OIP5: variants seen among roughly 807,000 people sequenced by gnomAD.
The protein encoded by OIP5 is Opa interacting protein 5, also known as protein Mis18-beta.
In OIP5, 24 loss-of-function variants were observed where a neutral mutation model predicts 20.3. The observed-to-expected ratio is 1.18, with a 90% CI of 0.86 to 1.66. The LOEUF (loss-of-function observed/expected upper bound fraction) is 1.66, where lower values mean the gene tolerates loss of function less well. OIP5 is among the 40% of genes most tolerant of loss of function. OIP5 has a pLI of 0.00. For synonymous variants in OIP5, 143 were observed against 121.3 expected (o/e 1.18, Z -1.17); for missense variants, 339 against 289.5 (o/e 1.17, Z -1.24).
intron 4 of OIP5, among the ~76,000 whole-genome samples, chr15:41,310,240 G>C (rs1388209504): frequency 6.6e-6 from 1 of 152,186 alleles, no homozygotes; most frequent in Non-Finnish European, 1.5e-5. Flanking sequence ...TTTATATCTA[G>C]TAATTGGGAG....
intron 2 of OIP5, among the ~76,000 whole-genome samples, chr15:41,331,475 T>A (rs2047911541): frequency 6.6e-6 from 1 of 152,150 alleles, no homozygotes; most frequent in African/African-American, 2.4e-5. Flanking sequence ...TCCCAGCTAC[T>A]CCGGAGGGTG....
intron 4 of OIP5, among the ~76,000 whole-genome samples, chr15:41,312,971 G>A (rs568683657): frequency 6.6e-6 from 1 of 152,270 alleles, no homozygotes; most frequent in South Asian, 2.1e-4. Context: ...GTCTGAGACA[G>A]TTGAGCAATT....
At chr15:41,312,604 C>T (rs1375078799) in intron 4 of OIP5, among the ~76,000 whole-genome samples, 2 of 150,770 alleles carry the variant, frequency 1.3e-5, no homozygotes, top group Non-Finnish European at 2.9e-5. Flanking sequence ...GGATTACAGG[C>T]GCCCACCACC....
intron 4 of OIP5, among the ~76,000 whole-genome samples, chr15:41,312,373 C>A (rs568567703): frequency 6.6e-6 from 1 of 151,594 alleles, no homozygotes; most frequent in South Asian, 2.1e-4. Flanking sequence ...GTTGGTCAGG[C>A]TGGTCTCGAA....
chr15:41,328,425 C>A (rs1424359941), intron 2 of OIP5, among the ~76,000 whole-genome samples: 2 of 152,052 alleles, frequency 1.3e-5, no homozygotes, highest in African/African-American at 4.8e-5. Context: ...TTTGAATTTG[C>A]CATAACAATT....
intron 2 of OIP5, among the ~76,000 whole-genome samples, chr15:41,325,350 G>C (rs1020390256): frequency 6.6e-6 from 1 of 152,016 alleles, no homozygotes; most frequent in African/African-American, 2.4e-5. Flanking sequence ...AGCTTGCAGT[G>C]AGCCTAGATC....
At chr15:41,321,398 C>T (rs942201600) in intron 2 of OIP5, among the ~76,000 whole-genome samples, 4 of 152,178 alleles carry the variant, frequency 2.6e-5, no homozygotes, top group Admixed American at 6.5e-5. Flanking sequence ...CCCCTCTGCC[C>T]GGCCACCACC....
chr15:41,326,726 C>G (rs2047864110), intron 2 of OIP5, among the ~76,000 whole-genome samples: 1 of 152,112 alleles, frequency 6.6e-6, no homozygotes, highest in African/African-American at 2.4e-5. Flanking sequence ...GTGCCCGGCC[C>G]CATGTTTTTA....
chr15:41,321,943 A>G (rs1184444586), intron 2 of OIP5, among the ~76,000 whole-genome samples: 1 of 151,870 alleles, frequency 6.6e-6, no homozygotes. Context: ...AAATAAATAA[A>G]TAAATAAAAA....
At chr15:41,312,142 C>CCG (rs2047759689) in intron 4 of OIP5, among the ~76,000 whole-genome samples, 3 of 144,818 alleles carry the variant, frequency 2.1e-5, no homozygotes, top group Non-Finnish European at 4.7e-5. Context: ...GCATAAGCCA[C>CCG]CATGCCCAGC....
At chr15:41,328,886 C>T (rs766140170) in intron 2 of OIP5, among the ~76,000 whole-genome samples, 10 of 151,614 alleles carry the variant, frequency 6.6e-5, no homozygotes, top group South Asian at 2.1e-4. Context: ...GGTGAAACCC[C>T]GTCTCTACTA....
chr15:41,325,154 C>T (rs978512499), intron 2 of OIP5, among the ~76,000 whole-genome samples: 3 of 151,958 alleles, frequency 2.0e-5, no homozygotes, highest in African/African-American at 7.3e-5. Flanking sequence ...GCTGTAATCC[C>T]AGCACTCTGG....
chr15:41,331,810 G>A, intron 2 of OIP5, 105 bp downstream of exon 2: 1 of 913,590 alleles, frequency 1.1e-6, no homozygotes, highest in Non-Finnish European at 1.8e-6. Context: ...AGTCAAACAG[G>A]TAAAAGCAGC....
chr15:41,327,787 C>CA (rs1317558404), intron 2 of OIP5, among the ~76,000 whole-genome samples: 1 of 147,436 alleles, frequency 6.8e-6, no homozygotes, highest in Non-Finnish European at 1.5e-5. Context: ...GACTCCATCT[C>CA]AAAAAAATAA....
At chr15:41,309,895 T>G (rs1430477487) in intron 4 of OIP5, 46 bp from the exon 5 acceptor site, 1 of 1,379,972 alleles carries the variant, frequency 7.2e-7, no homozygotes, top group Non-Finnish European at 1.0e-6. Context: ...TTTTTATTTT[T>G]ACTTATTTTA....
intron 3 of OIP5, among the ~76,000 whole-genome samples, chr15:41,318,249 G>A (rs765199535): frequency 5.9e-5 from 9 of 152,062 alleles, no homozygotes; most frequent in Admixed American, 1.3e-4. Context: ...TGCAACCTCC[G>A]CCTCCTGGGT....
intron 4 of OIP5, among the ~76,000 whole-genome samples, chr15:41,310,904 T>C (rs1225375679): frequency 1.3e-5 from 2 of 152,366 alleles, no homozygotes; most frequent in South Asian, 2.1e-4. Context: ...TGCAATTAGG[T>C]AATTTTTAAG....
intron 4 of OIP5, among the ~76,000 whole-genome samples, chr15:41,310,628 CAA>C (rs1240547687): frequency 5.8e-4 from 35 of 60,356 alleles, no homozygotes; most frequent in African/African-American, 6.4e-4. Context: ...GACTCCGTCT[CAA>C]AAAAAAAAAA....
chr15:41,329,523 C>T (rs1426562266), intron 2 of OIP5, among the ~76,000 whole-genome samples: 1 of 151,740 alleles, frequency 6.6e-6, no homozygotes, highest in African/African-American at 2.4e-5. Context: ...ACCATACTGG[C>T]CAGGCTGGTC....
Sources: gnomAD v4.1 joint callset for allele counts (sites outside exome capture counted in the v4.1 genomes callset) on GRCh38, gnomAD v4.1.1 for gene constraint, MANE v1.5 for transcripts, NCBI Gene and HGNC (gene_info 2026-07-23, HGNC 2026-07-21) for gene names.